Variants in KIF13A observed in about 807,000 individuals in gnomAD.
KIF13A encodes the protein kinesin-like protein KIF13A.
A neutral mutation model predicts 212.2 loss-of-function variants in KIF13A; 79 were observed. The ratio of observed to expected loss-of-function variants is 0.37; its 90% CI spans 0.31 to 0.45. The LOEUF (loss-of-function observed/expected upper bound fraction) is 0.45, where lower values mean the gene tolerates loss of function less well. KIF13A is among the 20% of genes least tolerant of loss of function. The pLI is 1.00. For missense variants in KIF13A, 1,901 were observed against 2,209.0 expected (o/e 0.86, Z 2.79); for synonymous variants, 789 against 808.6 (o/e 0.98, Z 0.41).
intron 2 of KIF13A, among the ~76,000 whole-genome samples, chr6:17,956,313 T>C (rs568546923): frequency 5.9e-5 from 9 of 152,332 alleles, no homozygotes; most frequent in African/African-American, 1.4e-4. Context: ...GACTCAACAA[T>C]AGGTCCATTA....
At chr6:17,847,334 G>T (rs943306061) in intron 9 of KIF13A, among the ~76,000 whole-genome samples, 6 of 152,158 alleles carry the variant, frequency 3.9e-5, no homozygotes, top group African/African-American at 1.4e-4. Context: ...TGCCAGTCTG[G>T]AATCTTGCAA....
In KIF13A at chr6:17,783,168, G is replaced by C. The variant is rs1435214525; in HGVS notation, c.3544+478C>G. Among the ~76,000 whole-genome samples the C allele has an allele frequency of 6.6e-6, 1 of 152,204 alleles. No individual in the cohort carries two copies. On this transcript the variant is annotated intron_variant, in intron 29 of 38. Transcript: ENST00000259711. The surrounding 1 kb of genome is among the most constrained non-coding windows in gnomAD (Gnocchi z 4.3). ...GGGGTTCCAGTTAATATTTCGTTTAGAAAAGGATTGTTCTGCTAAAGCACA... is the reference window on the plus strand; with the variant it reads ...GGGGTTCCAGTTAATATTTCGTTTACAAAAGGATTGTTCTGCTAAAGCACA...
At chr6:17,902,609 C>T (rs577401283) in intron 2 of KIF13A, among the ~76,000 whole-genome samples, 1 of 152,166 alleles carries the variant, frequency 6.6e-6, no homozygotes, top group Admixed American at 6.6e-5. Context: ...TCTGCCGGAT[C>T]ATACCTGCCC....
chr6:17,788,508 A>C (rs1761247298), intron 26 of KIF13A, among the ~76,000 whole-genome samples: 1 of 152,228 alleles, frequency 6.6e-6, no homozygotes, highest in African/African-American at 2.4e-5. Flanking sequence ...GGAAGCGCAC[A>C]AACAGCCGCA....
In KIF13A at chr6:17,805,625, G is replaced by T. The variant is rs1762871718; in HGVS notation, c.2164-10C>A. ...TCACTATTGCACCTCTCTGCATAAG[G>T]AAGAAAAACAAAACAAACCCTGTTA... On this transcript the variant is annotated splice_polypyrimidine_tract_variant and intron_variant, in intron 18 of 38. Coordinates refer to ENST00000259711, the MANE Select transcript of KIF13A (RefSeq NM_022113.6). 1 of 1,586,784 alleles carries T rather than the reference G, an allele frequency of 6.3e-7. No individual in the cohort carries two copies. The highest frequency in any genetic ancestry group is 1.3e-5 in the African/African-American group (1 of 74,478).
chr6:17,790,713 G>C (rs1211271080), intron 25 of KIF13A, among the ~76,000 whole-genome samples: 4 of 152,184 alleles, frequency 2.6e-5, no homozygotes, highest in African/African-American at 9.7e-5. Context: ...TCCAACCTCA[G>C]CTGTCTTCCC....
At chr6:17,876,972 C>T (rs1770617621) in intron 3 of KIF13A, among the ~76,000 whole-genome samples, 1 of 152,050 alleles carries the variant, frequency 6.6e-6, no homozygotes, top group Non-Finnish European at 1.5e-5. Flanking sequence ...GACTAAGTTC[C>T]CTGAAAGCAG....
At chr6:17,890,788 A>AGCTAAT (rs1385155915) in intron 3 of KIF13A, among the ~76,000 whole-genome samples, 4 of 59,554 alleles carry the variant, frequency 6.7e-5, no homozygotes, top group Admixed American at 2.7e-4. Flanking sequence ...TACTATGCCC[A>AGCTAAT]GCTAATAATA....
chr6:17,917,235 C>CTTT (rs71002284), intron 2 of KIF13A, among the ~76,000 whole-genome samples: 33 of 79,088 alleles, frequency 4.2e-4, no homozygotes, highest in African/African-American at 8.1e-4. Context: ...TTACACGATT[C>CTTT]TTTTTTTTTT....
At chr6:17,761,359 G>T (rs1758576830), downstream of KIF13A, among the ~76,000 whole-genome samples, 1 of 152,054 alleles carries the variant, frequency 6.6e-6, no homozygotes, top group South Asian at 2.1e-4. Flanking sequence ...AGGACTACGG[G>T]CGTGAGCCAC....
chr6:17,939,600 G>A lies in KIF13A; in HGVS notation c.147-41420C>T, dbSNP rs538137672. Among the ~76,000 whole-genome samples the A allele has an allele frequency of 3.3e-5, 5 of 152,226 alleles. No individual in the cohort carries two copies. The South Asian group carries it at 8.3e-4, about 25-fold the overall frequency. ...TTCTAAGTCACAGGATGAGGTAGGC[G>A]GTCTGCACAAGGTACAGATCACACA... On this transcript the variant is annotated intron_variant, in intron 2 of 38. Coordinates refer to ENST00000259711, the MANE Select transcript of KIF13A (RefSeq NM_022113.6).
intron 2 of KIF13A, among the ~76,000 whole-genome samples, chr6:17,939,130 C>A (rs568679430): frequency 6.6e-6 from 1 of 152,162 alleles, no homozygotes. Context: ...CACTTTAGGG[C>A]GCTTTCCGCC....
Position 17,987,315 on chromosome 6 carries a change from C to G in KIF13A, c.55+94G>C. On this transcript the variant is annotated intron_variant, in intron 1 of 38. Transcript: ENST00000259711. This position sits in a 1 kb window ranked among gnomAD's most constrained non-coding sequence, Gnocchi z 7.7. Reference sequence around the variant, plus strand: ...CCGCCTCCGCCCCGGCCCCCCGGCCCCGGCCGCGCTCTCGCCGTCCCGGCC... The same window carrying G: ...CCGCCTCCGCCCCGGCCCCCCGGCCGCGGCCGCGCTCTCGCCGTCCCGGCC... 9.9e-7 allele frequency: 1 copy of G among 1,012,818 alleles called. No individual in the cohort carries two copies. Among genetic ancestry groups the G allele is most frequent in the South Asian group, 2.2e-5 (1 of 44,884 alleles). 62.7% of individuals were successfully genotyped at this position (1,012,818 alleles called of 1,614,324 possible).
At chr6:17,835,160 C>A (rs1218737657) in intron 11 of KIF13A, among the ~76,000 whole-genome samples, 1 of 126,926 alleles carries the variant, frequency 7.9e-6, no homozygotes, top group African/African-American at 3.0e-5. Context: ...CACTCCAGCC[C>A]GGGCAACAGA....
rs917178217 is a variant in KIF13A at position 17,839,389 on chromosome 6, G to A, written c.831-1806C>T. ...TCCACAAAAGTCAAAATGTGGAAAC[G>A]ACCACATGCCCATCAAATGATGAAG... is the stretch of plus-strand genomic sequence containing the variant. On this transcript the variant is annotated intron_variant, in intron 9 of 38. Coordinates refer to ENST00000259711, the MANE Select transcript of KIF13A (RefSeq NM_022113.6). This position sits in a 1 kb window ranked among gnomAD's most constrained non-coding sequence, Gnocchi z 4.3. Among the ~76,000 whole-genome samples the A allele has an allele frequency of 6.6e-6, 1 of 152,174 alleles. No homozygotes were observed. Among genetic ancestry groups the A allele is most frequent in the African/African-American group, 2.4e-5 (1 of 41,444 alleles).
At chr6:17,924,578 C>G (rs1247013739) in intron 2 of KIF13A, among the ~76,000 whole-genome samples, 1 of 152,136 alleles carries the variant, frequency 6.6e-6, no homozygotes, top group Non-Finnish European at 1.5e-5. Flanking sequence ...AAAACTTCTA[C>G]TGGGGGAAGC....
At chr6:17,955,984 G>A (rs977003241) in intron 2 of KIF13A, among the ~76,000 whole-genome samples, 1 of 152,122 alleles carries the variant, frequency 6.6e-6, no homozygotes, top group African/African-American at 2.4e-5. Flanking sequence ...ATATTTTCCA[G>A]ATCTTAAGCA....
rs1013181371 is a variant in KIF13A at position 17,855,702 on chromosome 6, T to C, written c.314-85A>G. The C allele has an allele frequency of 5.4e-6, 6 of 1,106,012 alleles. No homozygotes were observed. In the Admixed American group the frequency reaches 8.4e-5, roughly 15 times the overall value. 68.5% of individuals were successfully genotyped at this position (1,106,012 alleles called of 1,614,324 possible). On this transcript the variant is annotated intron_variant, in intron 5 of 38. Transcript: ENST00000259711. This position sits in a 1 kb window ranked among gnomAD's most constrained non-coding sequence, Gnocchi z 4.1. ...AACCATACAAGGTTTCCCCATATAC[T>C]GGCCATGGTAACATAGCAGAAGAGT...
chr6:17,947,818 G>C lies in KIF13A; in HGVS notation c.146+39236C>G, dbSNP rs1191077673. The stretch of plus-strand genomic sequence containing the variant: ...ATTGCGCCATTGCGCTCCAGCCTGT[G>C]TGACAAGAGCAAAACTCTGCTCAAA... On this transcript the variant is annotated intron_variant, in intron 2 of 38. Coordinates refer to ENST00000259711, the MANE Select transcript of KIF13A (RefSeq NM_022113.6). This position sits in a 1 kb window ranked among gnomAD's most constrained non-coding sequence, Gnocchi z 4.6. Among the ~76,000 whole-genome samples, 1 of 151,992 alleles carries C rather than the reference G, an allele frequency of 6.6e-6. No homozygotes were observed. Among genetic ancestry groups the C allele is most frequent in the Non-Finnish European group, 1.5e-5 (1 of 68,014 alleles).
Sources: gnomAD v4.1 joint callset for allele counts (sites outside exome capture counted in the v4.1 genomes callset) on GRCh38, gnomAD v4.1.1 for gene constraint, Gnocchi (gnomAD v3.1) non-coding constraint, MANE v1.5 for transcripts, NCBI Gene and HGNC (gene_info 2026-07-23, HGNC 2026-07-21) for gene names.